The following SULF2 variants were observed in gnomAD, a reference collection of about 807,000 sequenced individuals.
SULF2 encodes the protein sulfatase 2.
A neutral mutation model predicts 107.7 loss-of-function variants in SULF2; 52 were observed. The ratio of observed to expected loss-of-function variants is 0.48; its 90% CI spans 0.39 to 0.61. The LOEUF is 0.61. Ranked by LOEUF, SULF2 falls within the 20% of genes least tolerant of loss-of-function variation. SULF2 has a pLI of 0.00. For missense variants in SULF2, 993 were observed against 1,177.3 expected (o/e 0.84, Z 2.29); for synonymous variants, 460 against 464.3 (o/e 0.99, Z 0.12).
At chr20:47,766,290 A>G (rs915810111) in intron 1 of SULF2, among the ~76,000 whole-genome samples, 12 of 152,106 alleles carry the variant, frequency 7.9e-5, no homozygotes, top group African/African-American at 4.8e-5. Context: ...CCTGTAACCT[A>G]TGGGCCACAG....
chr20:47,746,890 C>T (rs922675553), intron 2 of SULF2, among the ~76,000 whole-genome samples: 10 of 150,688 alleles, frequency 6.6e-5, no homozygotes, highest in Non-Finnish European at 1.5e-4. Context: ...ATGTAAATGA[C>T]GAGTTAACGG....
rs11484375 is a variant in SULF2 at position 47,737,755 on chromosome 20, G to GTTTTT, written c.176-818_176-814dup. On this transcript the variant is annotated intron_variant, in intron 2 of 20. Coordinates refer to ENST00000688720, the MANE Select transcript of SULF2 (RefSeq NM_001387048.1). ...CTGCTCTTGTTTCTTTCTTTTCTTTGTTTTTTTTTTTTTTTTTTTTTTTTT... is the reference window on the plus strand; with the variant it reads ...CTGCTCTTGTTTCTTTCTTTTCTTTGTTTTTTTTTTTTTTTTTTTTTTTTTTTTTT... 2.0e-3 allele frequency among the ~76,000 whole-genome samples: 126 copies of GTTTTT among 61,836 alleles called. 5 individuals are homozygous for GTTTTT. The highest frequency in any genetic ancestry group is 4.8e-3 in the African/African-American group (76 of 15,966). The allele number at this position is 61,836 out of a possible 152,430, so 40.6% of individuals were successfully genotyped here.
In SULF2 at chr20:47,657,455, G is replaced by A. The variant is rs2086931250; in HGVS notation, c.*907C>T. Reference sequence around the variant, plus strand: ...ATGTCAAAGGTTCTTCATACCAACTGCTGGTCATTGGCTGGGGTTTTGAAC... The same window carrying A: ...ATGTCAAAGGTTCTTCATACCAACTACTGGTCATTGGCTGGGGTTTTGAAC... On this transcript the variant is annotated 3_prime_UTR_variant, in exon 21 of 21. Coordinates refer to ENST00000688720, the MANE Select transcript of SULF2 (RefSeq NM_001387048.1). 3 of 152,136 alleles carry A rather than the reference G, an allele frequency of 2.0e-5. No individual in the cohort carries two copies. Among genetic ancestry groups the A allele is most frequent in the Non-Finnish European group, 4.4e-5 (3 of 68,034 alleles). The allele number at this position is 152,136 out of a possible 1,614,324, so 9.4% of individuals were successfully genotyped here.
At chr20:47,699,415 C>T (rs886743065) in intron 4 of SULF2, among the ~76,000 whole-genome samples, 5 of 151,582 alleles carry the variant, frequency 3.3e-5, no homozygotes, top group African/African-American at 9.7e-5. Flanking sequence ...CTACTGTGTA[C>T]CCCTGAGCAC....
At chr20:47,732,757 C>T (rs1035102629) in intron 3 of SULF2, among the ~76,000 whole-genome samples, 3 of 152,166 alleles carry the variant, frequency 2.0e-5, no homozygotes, top group Admixed American at 2.0e-4. Flanking sequence ...GCAGGAGAAT[C>T]GCTTGAACCC....
At chr20:47,711,475 G>A (rs566568073) in intron 3 of SULF2, among the ~76,000 whole-genome samples, 5 of 152,256 alleles carry the variant, frequency 3.3e-5, no homozygotes, top group Non-Finnish European at 5.9e-5. Flanking sequence ...CAGCAGGACA[G>A]AAAGCACCCG....
intron 2 of SULF2, among the ~76,000 whole-genome samples, chr20:47,742,452 C>T (rs77294192): frequency 6.6e-6 from 1 of 152,324 alleles, no homozygotes; most frequent in Non-Finnish European, 1.5e-5. Flanking sequence ...TGAGGTCACT[C>T]TGACACCTCT....
chr20:47,779,973 C>T (rs550409224), intron 1 of SULF2, among the ~76,000 whole-genome samples: 12 of 151,060 alleles, frequency 7.9e-5, no homozygotes, highest in African/African-American at 2.7e-4. Flanking sequence ...TCATCTCTGA[C>T]GTGCCCTCCC....
chr20:47,676,938 GCTTTGTGTTTAGGGGC>G (rs1410885470), intron 9 of SULF2, 124 bp downstream of exon 9: 9 of 871,962 alleles, frequency 1.0e-5, no homozygotes, highest in Non-Finnish European at 1.6e-5. Flanking sequence ...CAGTGAATGG[GCTTTGTGTTTAGGGGC>G]CTTTGGACCA....
intron 1 of SULF2, among the ~76,000 whole-genome samples, chr20:47,782,879 C>A (rs1172073738): frequency 6.6e-6 from 1 of 152,162 alleles, no homozygotes; most frequent in East Asian, 1.9e-4. Context: ...CAAAGTTTGA[C>A]TGTCTGAAGG....
intron 7 of SULF2, among the ~76,000 whole-genome samples, chr20:47,681,395 G>C (rs1265153184): frequency 6.6e-6 from 1 of 152,132 alleles, no homozygotes; most frequent in African/African-American, 2.4e-5. Context: ...GACCATGTGG[G>C]ATGTGGTTTT....
At position 47,676,603 on chromosome 20, in the gene SULF2, T is replaced by C; in HGVS notation, c.1271A>G (p.Asp424Gly). The change falls in exon 10 of 21, where the codon GAC becomes GGC. Residue 424 changes from aspartate (D) to glycine (G), a missense_variant. Transcript: ENST00000688720. ...CTCCTGGGCGTCCACCTTGTCATTG[T>C]CTCTCTTGTGTAGCAGCTTGCTATG... ...VERGKLLHKR[D>G]NDKVDAQEEN... The C allele has an allele frequency of 6.4e-7, 1 of 1,555,640 alleles. No individual in the cohort carries two copies. The highest frequency in any genetic ancestry group is 8.7e-7 in the Non-Finnish European group (1 of 1,149,624).
chr20:47,740,302 C>A (rs543334747), intron 2 of SULF2, among the ~76,000 whole-genome samples: 1 of 152,158 alleles, frequency 6.6e-6, no homozygotes, highest in Non-Finnish European at 1.5e-5. Context: ...CTGAGTTTCA[C>A]GTTCACAAAA....
At position 47,663,215 on chromosome 20, in the gene SULF2, G is replaced by A. The variant is rs2087144627; in HGVS notation, c.2228-3C>T. On this transcript the variant is annotated splice_region_variant and splice_polypyrimidine_tract_variant and intron_variant, in intron 16 of 20. Transcript: ENST00000688720. ...GGTGCAGGCACAGAAAGGCCCCACTGCCAAGGAAGAGAGAGCATGTCCTGA... is the reference window on the plus strand; with the variant it reads ...GGTGCAGGCACAGAAAGGCCCCACTACCAAGGAAGAGAGAGCATGTCCTGA... 2 of 1,614,062 alleles carry A rather than the reference G, an allele frequency of 1.2e-6. No individual in the cohort carries two copies. Among genetic ancestry groups the A allele is most frequent in the East Asian group, 2.2e-5 (1 of 44,890 alleles).
intron 3 of SULF2, 27 bp downstream of exon 3, chr20:47,736,676 C>T: frequency 6.2e-7 from 1 of 1,613,516 alleles, no homozygotes; most frequent in Non-Finnish European, 8.5e-7. Flanking sequence ...TCACTCCCTT[C>T]CTGCACCTGC....
chr20:47,693,385 G>A (rs535997532), intron 4 of SULF2, among the ~76,000 whole-genome samples: 26 of 152,260 alleles, frequency 1.7e-4, no homozygotes, highest in Admixed American at 9.2e-4. Flanking sequence ...GGAAGCCACC[G>A]TTGCTCTTCA....
intron 4 of SULF2, among the ~76,000 whole-genome samples, chr20:47,693,357 C>T (rs998438490): frequency 2.0e-5 from 3 of 152,146 alleles, no homozygotes; most frequent in African/African-American, 7.2e-5. Context: ...TGCTGCCACC[C>T]GCCAGTGGGG....
At chr20:47,670,638 G>A in intron 11 of SULF2, among the ~76,000 whole-genome samples, 1 of 36,912 alleles carries the variant, frequency 2.7e-5, no homozygotes, top group Non-Finnish European at 5.1e-5. Context: ...GAGAAGAAGA[G>A]TGGTTGCTGA....
chr20:47,738,420 G>A (rs1043752448), intron 2 of SULF2, among the ~76,000 whole-genome samples: 3 of 152,098 alleles, frequency 2.0e-5, no homozygotes, highest in Non-Finnish European at 4.4e-5. Context: ...CGGTGCCCCC[G>A]TCCCCTAAAG....
Sources: gnomAD v4.1 joint callset for allele counts (sites outside exome capture counted in the v4.1 genomes callset) on GRCh38, gnomAD v4.1.1 for gene constraint, MANE v1.5 for transcripts, NCBI Gene and HGNC (gene_info 2026-07-23, HGNC 2026-07-21) for gene names.